PIP5K1B: variants seen among roughly 807,000 people sequenced by gnomAD.
PIP5K1B encodes the protein phosphatidylinositol 4-phosphate 5-kinase type-1 beta.
PIP5K1B carries 42 observed loss-of-function variants against 67.0 expected under a neutral mutation model. That is an observed-to-expected ratio of 0.63 (90% CI 0.49 to 0.81). The LOEUF (loss-of-function observed/expected upper bound fraction) is 0.81. Among genes scored for constraint, PIP5K1B ranks in the 30% least tolerant of loss-of-function variants. The pLI, the probability that PIP5K1B is intolerant of heterozygous loss-of-function variation, is 0.00. For synonymous variants in PIP5K1B, 214 were observed against 231.4 expected, an observed-to-expected ratio of 0.92 and a Z score of 0.68; for missense variants, 459 against 646.3, an observed-to-expected ratio of 0.71 and a Z score of 3.14.
At chr9:68,864,082 G>T in intron 5 of PIP5K1B, 115 bp downstream of exon 5, 1 of 957,058 alleles carries the variant, frequency 1.0e-6, no homozygotes, top group Non-Finnish European at 1.5e-6. Flanking sequence ...TGTGAATATT[G>T]GGCCTTTGGC....
intron 3 of PIP5K1B, among the ~76,000 whole-genome samples, chr9:68,820,217 C>G (rs1159236780): frequency 6.6e-6 from 1 of 152,184 alleles, no homozygotes; most frequent in Non-Finnish European, 1.5e-5. Context: ...GTATTTTACC[C>G]TGAGCCTGAT....
At chr9:68,734,167 C>T (rs1038327905) in intron 1 of PIP5K1B, among the ~76,000 whole-genome samples, 1 of 152,150 alleles carries the variant, frequency 6.6e-6, no homozygotes, top group African/African-American at 2.4e-5. Context: ...ATGTTAAGTA[C>T]TCAAATTCTT....
At chr9:68,969,582 AT>A (rs1200774824) in intron 14 of PIP5K1B, among the ~76,000 whole-genome samples, 1 of 152,110 alleles carries the variant, frequency 6.6e-6, no homozygotes, top group Admixed American at 6.6e-5. Context: ...AGACTTTGCC[AT>A]TTATAAGAAA....
chr9:68,721,329 A>C (rs1432161904), intron 1 of PIP5K1B, among the ~76,000 whole-genome samples: 1 of 152,172 alleles, frequency 6.6e-6, no homozygotes, highest in African/African-American at 2.4e-5. Context: ...GAAGTAATGT[A>C]GTGTGGATAG....
intron 14 of PIP5K1B, among the ~76,000 whole-genome samples, chr9:68,975,610 G>T (rs192943488): frequency 3.3e-5 from 5 of 152,304 alleles, no homozygotes; most frequent in African/African-American, 1.2e-4. Flanking sequence ...TTGCTAAGCT[G>T]CCCTTACAAA....
intron 2 of PIP5K1B, among the ~76,000 whole-genome samples, chr9:68,766,593 T>C (rs1830438737): frequency 6.6e-6 from 1 of 152,206 alleles, no homozygotes; most frequent in African/African-American, 2.4e-5. Context: ...CATTGCATTA[T>C]GTAGATAGGT....
intron 15 of PIP5K1B, among the ~76,000 whole-genome samples, chr9:68,993,490 G>A (rs1157715042): frequency 6.6e-6 from 1 of 151,920 alleles, no homozygotes. Context: ...TTTTTTCTCT[G>A]AATATCCTAG....
chr9:68,967,142 A>G (rs181132974), intron 14 of PIP5K1B, among the ~76,000 whole-genome samples: 1 of 152,354 alleles, frequency 6.6e-6, no homozygotes, highest in Admixed American at 6.5e-5. Context: ...ATTTTTGGAT[A>G]CCTGTGGTAG....
intron 12 of PIP5K1B, among the ~76,000 whole-genome samples, chr9:68,929,752 C>G (rs1439660054): frequency 6.6e-6 from 1 of 152,212 alleles, no homozygotes; most frequent in Admixed American, 6.5e-5. Flanking sequence ...TCACTGCAAC[C>G]TCTGCCTCCC....
chr9:68,791,133 T>C (rs1200763903), intron 2 of PIP5K1B, among the ~76,000 whole-genome samples: 1 of 152,162 alleles, frequency 6.6e-6, no homozygotes, highest in Non-Finnish European at 1.5e-5. Flanking sequence ...TAGCAAGGCG[T>C]GTTGTGAAAG....
chr9:68,943,553 C>G (rs971685396), intron 14 of PIP5K1B, among the ~76,000 whole-genome samples: 1 of 151,896 alleles, frequency 6.6e-6, no homozygotes, highest in Non-Finnish European at 1.5e-5. Context: ...TCCTTTAGAG[C>G]CCACCTAGTC....
intron 14 of PIP5K1B, among the ~76,000 whole-genome samples, chr9:68,968,517 A>C (rs1829160785): frequency 6.6e-6 from 1 of 151,986 alleles, no homozygotes; most frequent in East Asian, 1.9e-4. Flanking sequence ...AAAAAAAAAA[A>C]AAACCTGTTC....
intron 1 of PIP5K1B, among the ~76,000 whole-genome samples, chr9:68,728,099 T>C (rs1216760677): frequency 2.6e-5 from 4 of 152,184 alleles, no homozygotes; most frequent in Non-Finnish European, 4.4e-5. Flanking sequence ...GGTGTTATTT[T>C]AGAAAGGAAG....
intron 2 of PIP5K1B, among the ~76,000 whole-genome samples, chr9:68,744,326 A>G (rs1042470744): frequency 6.6e-6 from 1 of 152,204 alleles, no homozygotes; most frequent in African/African-American, 2.4e-5. Context: ...GGCCACGAAA[A>G]AACAACTTCA....
At chr9:68,852,914 G>GTT (rs59497845) in intron 4 of PIP5K1B, among the ~76,000 whole-genome samples, 1 of 151,412 alleles carries the variant, frequency 6.6e-6, no homozygotes, top group African/African-American at 2.4e-5. Flanking sequence ...TTAGGGGTGT[G>GTT]TTTTTTTTTA....
chr9:68,834,898 G>A (rs527649782), intron 4 of PIP5K1B, among the ~76,000 whole-genome samples: 2 of 152,250 alleles, frequency 1.3e-5, no homozygotes, highest in South Asian at 2.1e-4. Context: ...GTGATCAGCT[G>A]TTCCTGGAAG....
chr9:68,973,210 A>G (rs536686785), intron 14 of PIP5K1B, among the ~76,000 whole-genome samples: 1 of 152,244 alleles, frequency 6.6e-6, no homozygotes, highest in East Asian at 1.9e-4. Flanking sequence ...GTTGCAGTGA[A>G]CTCCAGCCTG....
chr9:68,775,953 A>T (rs1830895548), intron 2 of PIP5K1B, among the ~76,000 whole-genome samples: 1 of 152,168 alleles, frequency 6.6e-6, no homozygotes, highest in East Asian at 1.9e-4. Context: ...ATTCTTGTGC[A>T]TGTCTTTTAG....
At chr9:68,777,121 A>G (rs539186433) in intron 2 of PIP5K1B, among the ~76,000 whole-genome samples, 1 of 152,346 alleles carries the variant, frequency 6.6e-6, no homozygotes, top group East Asian at 1.9e-4. Context: ...TAAAAAATAT[A>G]TCAAGGTATA....
Sources: allele counts gnomAD v4.1 joint callset (sites outside exome capture counted in the v4.1 genomes callset), GRCh38; gene constraint gnomAD v4.1.1; transcripts MANE v1.5; gene names NCBI Gene and HGNC (gene_info 2026-07-23, HGNC 2026-07-21).